The following ADGB variants were observed in gnomAD, a reference collection of about 807,000 sequenced individuals.
ADGB encodes androglobin, also known as calpain-7-like protein.
A neutral mutation model predicts 210.5 loss-of-function variants in ADGB; 172 were observed. The ratio of observed to expected loss-of-function variants is 0.82; its 90% CI spans 0.72 to 0.93. The LOEUF is 0.93. ADGB is among the 40% of genes least tolerant of loss of function. The pLI, the probability that ADGB is intolerant of heterozygous loss-of-function variation, is 0.00. For synonymous variants in ADGB, 658 were observed against 662.7 expected, an observed-to-expected ratio of 0.99 and a Z score of 0.11; for missense variants, 2,025 against 1,964.8, an observed-to-expected ratio of 1.03 and a Z score of -0.58.
chr6:146,803,793 G>C (rs2114667992), intron 35 of ADGB: 1 of 565,396 alleles, frequency 1.8e-6, no homozygotes, highest in East Asian at 3.0e-5. Flanking sequence ...GCAGCCTAGA[G>C]CGTCCCTCGG....
chr6:146,744,761 G>C (rs1026139331), intron 25 of ADGB, among the ~76,000 whole-genome samples: 3 of 152,068 alleles, frequency 2.0e-5, no homozygotes, highest in Non-Finnish European at 2.9e-5. Flanking sequence ...AATCCATTTA[G>C]AATAGCCAAG....
chr6:146,803,448 T>C (rs1346847736), intron 35 of ADGB: 2 of 1,606,470 alleles, frequency 1.2e-6, no homozygotes, highest in Middle Eastern at 1.7e-4. Flanking sequence ...CAGGGGGCTG[T>C]TTTTTTCTGT....
At chr6:146,796,601 CAG>C (rs1349861726) in intron 33 of ADGB, among the ~76,000 whole-genome samples, 1 of 151,982 alleles carries the variant, frequency 6.6e-6, no homozygotes, top group Non-Finnish European at 1.5e-5. Flanking sequence ...GCAAACAAAA[CAG>C]AAAGTGGGGA....
chr6:146,681,330 C>T (rs1444122800), intron 9 of ADGB, among the ~76,000 whole-genome samples: 3 of 152,092 alleles, frequency 2.0e-5, no homozygotes, highest in Admixed American at 6.6e-5. Flanking sequence ...CCCTCTTTTG[C>T]CTTCTGCCAT....
chr6:146,788,721 G>A (rs986295979), intron 33 of ADGB, 111 bp downstream of exon 33: 1 of 994,880 alleles, frequency 1.0e-6, no homozygotes, highest in Non-Finnish European at 1.5e-6. Context: ...TAGAAAAGAT[G>A]TCTTTCCGAT....
At chr6:146,658,744 G>T (rs1188087840) in intron 5 of ADGB, among the ~76,000 whole-genome samples, 1 of 152,056 alleles carries the variant, frequency 6.6e-6, no homozygotes, top group Non-Finnish European at 1.5e-5. Flanking sequence ...AAAATGTATT[G>T]AGCCCACTTT....
intron 27 of ADGB, among the ~76,000 whole-genome samples, chr6:146,756,488 T>G (rs79898830): frequency 1.2e-4 from 18 of 152,280 alleles, no homozygotes; most frequent in Non-Finnish European, 2.1e-4. Flanking sequence ...TTTTCATTTA[T>G]CTCATTATTA....
At chr6:146,606,330 TTCAA>T (rs2114824944) in intron 1 of ADGB, among the ~76,000 whole-genome samples, 1 of 152,338 alleles carries the variant, frequency 6.6e-6, no homozygotes, top group Non-Finnish European at 1.5e-5. Context: ...AAATATTTTC[TTCAA>T]TTCTGTAGGG....
At chr6:146,791,530 A>T (rs1042232487) in intron 33 of ADGB, among the ~76,000 whole-genome samples, 2 of 151,974 alleles carry the variant, frequency 1.3e-5, no homozygotes, top group African/African-American at 4.8e-5. Context: ...TTTTATAGAG[A>T]TGAGGTCTCA....
chr6:146,627,375 A>T (rs1371369755), intron 1 of ADGB, among the ~76,000 whole-genome samples: 1 of 151,884 alleles, frequency 6.6e-6, no homozygotes, highest in Non-Finnish European at 1.5e-5. Flanking sequence ...TGGATGCTGG[A>T]TATTTTTGTA....
Position 146,751,775 on chromosome 6 carries a change from T to A in ADGB, c.3366-755T>A, listed in dbSNP as rs1403702597. Among the ~76,000 whole-genome samples the A allele has an allele frequency of 7.2e-5, 11 of 152,156 alleles. No individual in the cohort carries two copies. The South Asian group carries it at 2.1e-3, about 29-fold the overall frequency. On this transcript the variant is annotated intron_variant, in intron 26 of 35. Transcript: ENST00000397944. ...GTGTTTGTTGGCCACATGTATGTCA[T>A]TTTTTGAGAAGCGTCTGTTTATATC...
intron 9 of ADGB, among the ~76,000 whole-genome samples, chr6:146,680,645 A>G (rs1776145111): frequency 6.6e-6 from 1 of 152,160 alleles, no homozygotes; most frequent in Admixed American, 6.6e-5. Context: ...TTAGCCATGT[A>G]CTCAGTGAAC....
chr6:146,785,172 C>A (rs1409024633), intron 31 of ADGB, among the ~76,000 whole-genome samples: 1 of 152,066 alleles, frequency 6.6e-6, no homozygotes, highest in Non-Finnish European at 1.5e-5. Flanking sequence ...GGATTAAAAA[C>A]CATGTGCTGC....
rs1451702797 is a variant in ADGB at position 146,725,259 on chromosome 6, A to T, written c.2238-824A>T. 2 of 152,186 alleles carry T rather than the reference A, an allele frequency of 1.3e-5. 1 individual carries two copies. Among genetic ancestry groups the T allele is most frequent in the South Asian group, 4.1e-4 (2 of 4,832 alleles). The allele number at this position is 152,186 out of a possible 1,614,324, so 9.4% of individuals were successfully genotyped here. A position where few individuals can be genotyped will look rare whatever the true frequency, so the allele number is the denominator to read the frequency against. On this transcript the variant is annotated intron_variant, in intron 18 of 35. Coordinates refer to ENST00000397944, the MANE Select transcript of ADGB (RefSeq NM_024694.4). ...CTTTTCCCCCCACAGAACCTAAACC[A>T]TCAACATGTATGTTTTGAACATGCT...
chr6:146,619,451 T>C (rs574403175), intron 1 of ADGB, among the ~76,000 whole-genome samples: 1 of 152,182 alleles, frequency 6.6e-6, no homozygotes, highest in African/African-American at 2.4e-5. Flanking sequence ...TTCTTCCTTT[T>C]CCCACCCTCT....
intron 25 of ADGB, among the ~76,000 whole-genome samples, chr6:146,743,736 A>C (rs1039711727): frequency 6.6e-6 from 1 of 152,200 alleles, no homozygotes; most frequent in African/African-American, 2.4e-5. Flanking sequence ...CAACACGGCA[A>C]AAGCCTGTCT....
At position 146,635,572 on chromosome 6, in the gene ADGB, G is replaced by A. The variant is rs778261679; in HGVS notation, c.237+35G>A. ...TGTAAATGTGACTAGGTTTCATTTT[G>A]GTTTTTAATTTTATAATGGAATGAG... is the stretch of plus-strand genomic sequence containing the variant. On this transcript the variant is annotated intron_variant, in intron 2 of 35. Coordinates refer to ENST00000397944, the MANE Select transcript of ADGB (RefSeq NM_024694.4). The A allele has an allele frequency of 9.7e-6, 14 of 1,449,400 alleles. No individual in the cohort carries two copies. The South Asian group carries it at 1.9e-4, about 20-fold the overall frequency. The allele number at this position is 1,449,400 out of a possible 1,614,324, so 89.8% of individuals were successfully genotyped here.
chr6:146,726,477 C>A (rs557418565), intron 19 of ADGB, among the ~76,000 whole-genome samples: 6 of 152,302 alleles, frequency 3.9e-5, no homozygotes, highest in Non-Finnish European at 5.9e-5. Flanking sequence ...CCCACCTCAG[C>A]CTCCCAAAGT....
At chr6:146,781,933 T>C (rs897056346) in intron 29 of ADGB, 87 bp from the exon 30 acceptor site, 1 of 923,624 alleles carries the variant, frequency 1.1e-6, no homozygotes, top group Admixed American at 4.2e-5. Flanking sequence ...CTTAACCATA[T>C]GTCCCTGAGT....
Sources: gnomAD v4.1 joint callset for allele counts (sites outside exome capture counted in the v4.1 genomes callset) on GRCh38, gnomAD v4.1.1 for gene constraint, MANE v1.5 for transcripts, NCBI Gene and HGNC (gene_info 2026-07-23, HGNC 2026-07-21) for gene names.